NKAIN2: variants seen among roughly 807,000 people sequenced by gnomAD.
NKAIN2 encodes sodium/potassium-transporting ATPase subunit beta-1-interacting protein 2.
In NKAIN2, 14 loss-of-function variants were observed where a neutral mutation model predicts 32.6. The observed-to-expected ratio is 0.43, with a 90% CI of 0.28 to 0.67. The LOEUF (loss-of-function observed/expected upper bound fraction) is 0.67, where lower values mean the gene tolerates loss of function less well. Ranked by LOEUF, NKAIN2 falls within the 30% of genes least tolerant of loss-of-function variation. The pLI is 0.17. For synonymous variants in NKAIN2, 80 were observed against 87.2 expected (o/e 0.92, Z 0.46); for missense variants, 198 against 258.3 (o/e 0.77, Z 1.60).
rs559440598 is a variant in NKAIN2 at position 124,647,906 on chromosome 6, CAAGAG to C, written c.274-10275_274-10271del. Among the ~76,000 whole-genome samples the C allele has an allele frequency of 9.2e-4, 140 of 152,170 alleles. 1 individual carries two copies. Among genetic ancestry groups the C allele is most frequent in the Middle Eastern group, 6.8e-3 (2 of 294 alleles). On this transcript the variant is annotated intron_variant, in intron 3 of 6. Coordinates refer to ENST00000368417, the MANE Select transcript of NKAIN2 (RefSeq NM_001040214.3). Reference sequence around the variant, plus strand: ...CTAGTGACTAACATGCTCTGTAAAACAAGAGAAGAAACCAATTAAGAGAAAGACAC... The same window carrying C: ...CTAGTGACTAACATGCTCTGTAAAACAAGAAACCAATTAAGAGAAAGACAC...
At chr6:123,849,927 T>C (rs1775246547) in intron 1 of NKAIN2, among the ~76,000 whole-genome samples, 1 of 151,102 alleles carries the variant, frequency 6.6e-6, no homozygotes, top group Non-Finnish European at 1.5e-5. Context: ...TGAGACATGG[T>C]TTCACTCTGT....
chr6:124,075,585 G>T (rs1783659287), intron 1 of NKAIN2, among the ~76,000 whole-genome samples: 1 of 152,018 alleles, frequency 6.6e-6, no homozygotes, highest in African/African-American at 2.4e-5. Flanking sequence ...TAGGAAGTAT[G>T]TTACTTTATT....
intron 1 of NKAIN2, among the ~76,000 whole-genome samples, chr6:123,973,488 T>C (rs1221952066): frequency 6.6e-6 from 1 of 152,026 alleles, no homozygotes; most frequent in African/African-American, 2.4e-5. Flanking sequence ...CCTGTCTATA[T>C]AGAGGAGAAA....
chr6:123,872,584 T>C (rs899546483), intron 1 of NKAIN2, among the ~76,000 whole-genome samples: 5 of 152,190 alleles, frequency 3.3e-5, no homozygotes, highest in African/African-American at 1.2e-4. Context: ...AGCAGACCAC[T>C]GAATGAATTT....
intron 1 of NKAIN2, among the ~76,000 whole-genome samples, chr6:123,865,375 G>C (rs1775942142): frequency 6.6e-6 from 1 of 151,982 alleles, no homozygotes; most frequent in South Asian, 2.1e-4. Flanking sequence ...TTCTAGAAGA[G>C]TCTTGATGTA....
chr6:123,971,114 TCTGA>T (rs1295670938), intron 1 of NKAIN2, among the ~76,000 whole-genome samples: 1 of 151,852 alleles, frequency 6.6e-6, no homozygotes, highest in Non-Finnish European at 1.5e-5. Flanking sequence ...AAAATGATAG[TCTGA>T]CTGGGGCCAG....
chr6:124,003,624 T>C (rs2114717989), intron 1 of NKAIN2, among the ~76,000 whole-genome samples: 1 of 152,278 alleles, frequency 6.6e-6, no homozygotes, highest in African/African-American at 2.4e-5. Context: ...ACAGAGCTGG[T>C]ATGGCAAAGT....
intron 1 of NKAIN2, among the ~76,000 whole-genome samples, chr6:124,080,875 A>G (rs2114905961): frequency 6.6e-6 from 1 of 152,292 alleles, no homozygotes; most frequent in East Asian, 1.9e-4. Flanking sequence ...ATACCATGTC[A>G]TATTACCAGA....
chr6:124,241,646 A>G (rs969701861), intron 1 of NKAIN2, among the ~76,000 whole-genome samples: 8 of 152,142 alleles, frequency 5.3e-5, no homozygotes, highest in African/African-American at 1.9e-4. Flanking sequence ...ACGGGAAAGG[A>G]TTCCCTGTTT....
At chr6:124,672,979 G>A (rs1180347630) in intron 4 of NKAIN2, among the ~76,000 whole-genome samples, 1 of 152,026 alleles carries the variant, frequency 6.6e-6, no homozygotes, top group Admixed American at 6.6e-5. Context: ...TTGTAAAGCA[G>A]ATCTCCAGAA....
At chr6:123,871,656 C>A (rs898527893) in intron 1 of NKAIN2, among the ~76,000 whole-genome samples, 2 of 152,168 alleles carry the variant, frequency 1.3e-5, no homozygotes, top group African/African-American at 4.8e-5. Flanking sequence ...GTTCCACTTA[C>A]AATTAGTTGC....
chr6:124,647,034 G>GTA (rs1276861607), intron 3 of NKAIN2, among the ~76,000 whole-genome samples: 11 of 151,506 alleles, frequency 7.3e-5, no homozygotes, highest in South Asian at 2.1e-4. Flanking sequence ...AAGGTGTAGA[G>GTA]TATATATATA....
At chr6:124,082,005 G>A (rs1783987945) in intron 1 of NKAIN2, among the ~76,000 whole-genome samples, 1 of 152,056 alleles carries the variant, frequency 6.6e-6, no homozygotes, top group African/African-American at 2.4e-5. Context: ...CCTTAAGGTA[G>A]AGAGAGAAAT....
At chr6:124,319,998 T>C (rs1022156620) in intron 2 of NKAIN2, among the ~76,000 whole-genome samples, 5 of 152,160 alleles carry the variant, frequency 3.3e-5, no homozygotes, top group African/African-American at 1.2e-4. Flanking sequence ...TGATCTAATA[T>C]GTTACACTTT....
At chr6:124,418,778 G>T (rs1479572419) in intron 3 of NKAIN2, among the ~76,000 whole-genome samples, 1 of 151,582 alleles carries the variant, frequency 6.6e-6, no homozygotes, top group African/African-American at 2.4e-5. Context: ...AGTACTGATT[G>T]TTGATGTCCT....
At chr6:124,689,465 A>G (rs1172680654) in intron 4 of NKAIN2, among the ~76,000 whole-genome samples, 1 of 152,096 alleles carries the variant, frequency 6.6e-6, no homozygotes, top group East Asian at 1.9e-4. Context: ...AATTTTAATG[A>G]AAAGCATCTT....
intron 1 of NKAIN2, among the ~76,000 whole-genome samples, chr6:124,164,327 A>G (rs1030947670): frequency 1.3e-5 from 2 of 152,062 alleles, no homozygotes; most frequent in Non-Finnish European, 2.9e-5. Flanking sequence ...AATAGGCACC[A>G]TGGATTATTT....
At chr6:123,965,788 C>A (rs938326334) in intron 1 of NKAIN2, among the ~76,000 whole-genome samples, 9 of 152,316 alleles carry the variant, frequency 5.9e-5, no homozygotes, top group African/African-American at 2.2e-4. Context: ...ATCCCTTCCT[C>A]CTTTGAATTC....
intron 1 of NKAIN2, among the ~76,000 whole-genome samples, chr6:124,229,432 A>G (rs762673103): frequency 5.9e-5 from 9 of 152,114 alleles, no homozygotes; most frequent in Non-Finnish European, 1.2e-4. Flanking sequence ...AAAACATACA[A>G]TTTACTTTCT....
Sources: allele counts gnomAD v4.1 joint callset (sites outside exome capture counted in the v4.1 genomes callset), GRCh38; gene constraint gnomAD v4.1.1; transcripts MANE v1.5; gene names NCBI Gene and HGNC (gene_info 2026-07-23, HGNC 2026-07-21).